Variants in PPFIA2 observed in about 807,000 individuals in gnomAD.
The protein encoded by PPFIA2 is PPFI scaffold protein A2.
A neutral mutation model predicts 175.5 loss-of-function variants in PPFIA2; 46 were observed. The observed-to-expected ratio is 0.26, with a 90% CI of 0.21 to 0.34. The LOEUF is 0.34. PPFIA2 is among the 10% of genes least tolerant of loss of function. The pLI, the probability that PPFIA2 is intolerant of heterozygous loss-of-function variation, is 1.00. For synonymous variants in PPFIA2, 568 were observed against 511.4 expected (o/e 1.11, Z -1.49); for missense variants, 1,179 against 1,506.1 (o/e 0.78, Z 3.60).
chr12:81,552,889 G>A (rs889300346), intron 4 of PPFIA2, among the ~76,000 whole-genome samples: 3 of 152,020 alleles, frequency 2.0e-5, no homozygotes, highest in African/African-American at 4.8e-5. Context: ...CATCGACAAC[G>A]AAACAAGTAG....
At chr12:81,671,812 C>T (rs1463620258) in intron 4 of PPFIA2, among the ~76,000 whole-genome samples, 5 of 151,860 alleles carry the variant, frequency 3.3e-5, no homozygotes, top group Admixed American at 2.6e-4. Flanking sequence ...ATACCATGGT[C>T]CCCCCATCAC....
intron 7 of PPFIA2, among the ~76,000 whole-genome samples, chr12:81,426,663 C>A: frequency 6.6e-6 from 1 of 151,774 alleles, no homozygotes; most frequent in South Asian, 2.1e-4. Flanking sequence ...TTTCATCCAT[C>A]TTATTTATTT....
intron 4 of PPFIA2, among the ~76,000 whole-genome samples, chr12:81,616,154 C>T (rs575374583): frequency 6.6e-6 from 1 of 151,982 alleles, no homozygotes; most frequent in Non-Finnish European, 1.5e-5. Context: ...GGATTCAATT[C>T]AAGGCTTCAG....
Position 81,275,020 on chromosome 12 carries a change from G to A in PPFIA2, c.3310+2297C>T, listed in dbSNP as rs546795855. Among the ~76,000 whole-genome samples, 3 of 152,212 alleles carry A rather than the reference G, an allele frequency of 2.0e-5. No individual in the cohort carries two copies. In the South Asian group the frequency reaches 6.2e-4, roughly 32 times the overall value. ...TGAAACATTTCACGTGGTGAGCTGA[G>A]GCATAATAAAATCTAATTGGATAAA... On this transcript the variant is annotated intron_variant, in intron 28 of 32. Transcript: ENST00000549396.
intron 3 of PPFIA2, among the ~76,000 whole-genome samples, chr12:81,685,833 T>C (rs1398062235): frequency 6.6e-6 from 1 of 152,026 alleles, no homozygotes; most frequent in African/African-American, 2.4e-5. Context: ...CAGGAACTGG[T>C]TGAGTAACAT....
chr12:81,482,572 T>A (rs2058364369), intron 4 of PPFIA2, among the ~76,000 whole-genome samples: 1 of 151,972 alleles, frequency 6.6e-6, no homozygotes, highest in Admixed American at 6.6e-5. Flanking sequence ...AACGGATGAG[T>A]TCATGTCCTT....
At chr12:81,745,843 G>C (rs1002243415) in intron 3 of PPFIA2, among the ~76,000 whole-genome samples, 13 of 152,192 alleles carry the variant, frequency 8.5e-5, no homozygotes, top group African/African-American at 3.1e-4. Flanking sequence ...AACCTGTTAA[G>C]CTCTCTGAAT....
At chr12:81,535,506 A>G in intron 4 of PPFIA2, 1 of 454,506 alleles carries the variant, frequency 2.2e-6, no homozygotes, top group South Asian at 1.6e-5. Flanking sequence ...GATCAGGTTG[A>G]GACACCTAAA....
intron 11 of PPFIA2, among the ~76,000 whole-genome samples, chr12:81,371,136 T>C (rs1287871741): frequency 6.6e-6 from 1 of 151,832 alleles, no homozygotes; most frequent in Non-Finnish European, 1.5e-5. Flanking sequence ...TATTCTTATT[T>C]TATAAATGTG....
intron 4 of PPFIA2, among the ~76,000 whole-genome samples, chr12:81,611,147 T>C (rs958084011): frequency 1.3e-5 from 2 of 152,128 alleles, no homozygotes; most frequent in Non-Finnish European, 2.9e-5. Context: ...CTCTCGGGCC[T>C]TGTGGGGAGC....
intron 8 of PPFIA2, among the ~76,000 whole-genome samples, chr12:81,389,293 T>C (rs2039659795): frequency 6.6e-6 from 1 of 151,498 alleles, no homozygotes; most frequent in Non-Finnish European, 1.5e-5. Context: ...GCACCTGCGC[T>C]CCATTAAAAT....
intron 7 of PPFIA2, among the ~76,000 whole-genome samples, chr12:81,437,777 C>T (rs1178665014): frequency 1.3e-5 from 2 of 151,956 alleles, no homozygotes; most frequent in African/African-American, 4.8e-5. Context: ...ACACATTTTA[C>T]GTTTTTTTCT....
intron 3 of PPFIA2, among the ~76,000 whole-genome samples, chr12:81,688,661 A>C (rs1485613720): frequency 6.6e-6 from 1 of 151,226 alleles, no homozygotes; most frequent in Non-Finnish European, 1.5e-5. Context: ...GGAAGAATAA[A>C]ATACTGTCTT....
intron 7 of PPFIA2, among the ~76,000 whole-genome samples, chr12:81,411,086 T>C (rs997959857): frequency 1.3e-5 from 2 of 152,082 alleles, no homozygotes; most frequent in Admixed American, 6.6e-5. Flanking sequence ...TGGAAGACAA[T>C]ACAGAGTATG....
chr12:81,540,114 T>C (rs1443681311), intron 4 of PPFIA2, among the ~76,000 whole-genome samples: 2 of 151,862 alleles, frequency 1.3e-5, no homozygotes. Context: ...TTTGTGTTTA[T>C]AGCCAATTTC....
At position 81,338,960 on chromosome 12, in the gene PPFIA2, G is replaced by A. The variant is rs537033429; in HGVS notation, c.2548+220C>T. 2.0e-5 allele frequency among the ~76,000 whole-genome samples: 3 copies of A among 152,218 alleles called. No individual in the cohort carries two copies. In the East Asian group the frequency reaches 5.8e-4, roughly 29 times the overall value. ...AATTCTAGCTATTGTTATAAAGAGA[G>A]AAATAAAATGACTGAAAAGTTCACA... On this transcript the variant is annotated intron_variant, in intron 21 of 32. Coordinates refer to ENST00000549396, the MANE Select transcript of PPFIA2 (RefSeq NM_003625.5).
chr12:81,535,434 G>T (rs1446219858), intron 4 of PPFIA2: 1 of 455,448 alleles, frequency 2.2e-6, no homozygotes, highest in Admixed American at 2.4e-5. Flanking sequence ...TATCTCAGTG[G>T]ACACTAGGTC....
At chr12:81,468,687 A>C (rs2146214369) in intron 4 of PPFIA2, among the ~76,000 whole-genome samples, 1 of 152,300 alleles carries the variant, frequency 6.6e-6, no homozygotes, top group South Asian at 2.1e-4. Context: ...TATAACCAAA[A>C]ATATTTGGGC....
At chr12:81,268,839 T>C (rs1353388982) in intron 28 of PPFIA2, among the ~76,000 whole-genome samples, 2 of 152,220 alleles carry the variant, frequency 1.3e-5, no homozygotes, top group Non-Finnish European at 2.9e-5. Flanking sequence ...TACCTAAACA[T>C]TGGCATATAG....
Sources: gnomAD v4.1 joint callset for allele counts (sites outside exome capture counted in the v4.1 genomes callset) on GRCh38, gnomAD v4.1.1 for gene constraint, MANE v1.5 for transcripts, NCBI Gene and HGNC (gene_info 2026-07-23, HGNC 2026-07-21) for gene names.